Variants in LRRN2 observed in about 807,000 individuals in gnomAD.
LRRN2 encodes the protein leucine rich repeat neuronal 2.
Under a neutral mutation model 35.7 loss-of-function variants are expected in LRRN2, and 10 were observed. That is an observed-to-expected ratio of 0.28 (90% CI 0.17 to 0.47). LRRN2 has a LOEUF of 0.47. LRRN2 is among the 20% of genes least tolerant of loss of function. The probability of loss-of-function intolerance (pLI) is 0.99; values close to 1 mark genes in which losing one functional copy is unlikely to be tolerated. For missense variants in LRRN2, 731 were observed against 940.3 expected (o/e 0.78, Z 2.91); for synonymous variants, 391 against 409.6 (o/e 0.95, Z 0.55).
chr1:204,672,723 CT>C (rs1294484979), intron 1 of LRRN2, among the ~76,000 whole-genome samples: 1 of 152,106 alleles, frequency 6.6e-6, no homozygotes, highest in African/African-American at 2.4e-5. Flanking sequence ...GTTGAGGGAG[CT>C]GTGATCTGCT....
chr1:204,657,186 T>C (rs1668376191), intron 1 of LRRN2, among the ~76,000 whole-genome samples: 1 of 152,046 alleles, frequency 6.6e-6, no homozygotes, highest in East Asian at 1.9e-4. Context: ...AGACCTGTAA[T>C]CCCAGCTACT....
At chr1:204,669,789 G>A (rs1191955493) in intron 1 of LRRN2, among the ~76,000 whole-genome samples, 5 of 152,174 alleles carry the variant, frequency 3.3e-5, no homozygotes, top group African/African-American at 1.2e-4. Flanking sequence ...TGAGGGAGGG[G>A]AGTGGGGATG....
In LRRN2 at chr1:204,617,957, A is replaced by G; in HGVS notation, c.2036T>C (p.Val679Ala). The G allele has an allele frequency of 6.2e-7, 1 of 1,613,832 alleles. No individual in the cohort carries two copies. Among genetic ancestry groups the G allele is most frequent in the Non-Finnish European group, 8.5e-7 (1 of 1,180,000 alleles). The change falls in exon 2 of 2, where the codon GTC becomes GCC. Residue 679 changes from valine to alanine, a missense_variant. Coordinates refer to ENST00000367177, the MANE Select transcript of LRRN2 (RefSeq NM_201630.2). ...GACGAGGGGAGCAGACACAACCCGG[A>G]CAGAAGGGGCACTCCAGCCCCAGAA... is the stretch of plus-strand genomic sequence containing the variant. ...WAFWGWSAPS[V>A]RVVSAPLVLP... is the part of the protein sequence containing the mutation.
chr1:204,661,736 A>C (rs1011512661), intron 1 of LRRN2, among the ~76,000 whole-genome samples: 1 of 152,010 alleles, frequency 6.6e-6, no homozygotes, highest in East Asian at 1.9e-4. Context: ...CTTGGCAGGG[A>C]GGGTTAGAGG....
At chr1:204,625,601 C>T (rs1237991355) in intron 1 of LRRN2, among the ~76,000 whole-genome samples, 2 of 152,094 alleles carry the variant, frequency 1.3e-5, no homozygotes, top group Non-Finnish European at 2.9e-5. Context: ...CGTATGTGCC[C>T]CTTCCCAGTC....
At chr1:204,665,495 C>G (rs1408269460) in intron 1 of LRRN2, among the ~76,000 whole-genome samples, 3 of 152,164 alleles carry the variant, frequency 2.0e-5, no homozygotes, top group Non-Finnish European at 2.9e-5. Flanking sequence ...GAGGTCAAGA[C>G]CCACAGTTTT....
At position 204,619,775 on chromosome 1, in the gene LRRN2, G is replaced by A. The variant is rs770283181; in HGVS notation, c.218C>T (p.Thr73Ile). 15 of 1,614,126 alleles carry A rather than the reference G, an allele frequency of 9.3e-6. No homozygotes were observed. The highest frequency in any genetic ancestry group is 6.7e-5 in the Admixed American group (4 of 60,014). The change falls in exon 2 of 2, where the codon ACC becomes ATC. Residue 73 changes from threonine to isoleucine, a missense_variant. Thr to Ile is a moderately conservative substitution (Grantham distance 89). Coordinates refer to ENST00000367177, the MANE Select transcript of LRRN2 (RefSeq NM_201630.2). The stretch of plus-strand genomic sequence containing the variant: ...AATGCTGTTGCTCTGCAGGAGCAGG[G>A]TCTGTGTGCCTGCGGGGAGTGCCGG... ...VPPALPAGTQ[T>I]LLLQSNSIVR...
chr1:204,685,627 C>T lies in LRRN2; in HGVS notation c.-534G>A, dbSNP rs1209756589. ...GCGCTCCTTGAGAGCGCCGCGCGTT[C>T]GCAGGTGCCCGGAGCAGGCCCTCGC... is the stretch of plus-strand genomic sequence containing the variant. On this transcript the variant is annotated 5_prime_UTR_variant, in exon 1 of 2. Coordinates refer to ENST00000367177, the MANE Select transcript of LRRN2 (RefSeq NM_201630.2). 1 of 152,028 alleles carries T rather than the reference C, an allele frequency of 6.6e-6. No homozygotes were observed. The highest frequency in any genetic ancestry group is 1.5e-5 in the Non-Finnish European group (1 of 67,996). The allele number at this position is 152,028 out of a possible 1,614,324, so 9.4% of individuals were successfully genotyped here. A position where few individuals can be genotyped will look rare whatever the true frequency, so the allele number is the denominator to read the frequency against.
Position 204,685,335 on chromosome 1 carries a change from C to T in LRRN2, c.-242G>A, listed in dbSNP as rs1272370433. ...GCACACTCACCCCGTGGGCGCCGGG[C>T]ACCGTCTGCCGTCTGCTGCCCGCGC... On this transcript the variant is annotated 5_prime_UTR_variant, in exon 1 of 2. Coordinates refer to ENST00000367177, the MANE Select transcript of LRRN2 (RefSeq NM_201630.2). 1 of 151,812 alleles carries T rather than the reference C, an allele frequency of 6.6e-6. No homozygotes were observed. Among genetic ancestry groups the T allele is most frequent in the Non-Finnish European group, 1.5e-5 (1 of 67,946 alleles). 9.4% of individuals were successfully genotyped at this position (151,812 alleles called of 1,614,324 possible).
chr1:204,638,280 T>C (rs58651344), intron 1 of LRRN2, among the ~76,000 whole-genome samples: 54,233 of 151,904 alleles, frequency 0.36, 9,829 homozygotes, highest in Non-Finnish European at 0.37. Context: ...CTCGGCTCTG[T>C]GATTTTGTGC....
chr1:204,674,650 GGCAGGT>G (rs1668784728), intron 1 of LRRN2, among the ~76,000 whole-genome samples: 1 of 152,202 alleles, frequency 6.6e-6, no homozygotes, highest in South Asian at 2.1e-4. Flanking sequence ...GCTTCACGAG[GGCAGGT>G]GCAGCCTGGG....
At chr1:204,656,029 C>A (rs948300038) in intron 1 of LRRN2, among the ~76,000 whole-genome samples, 5 of 152,224 alleles carry the variant, frequency 3.3e-5, no homozygotes, top group Non-Finnish European at 1.5e-5. Flanking sequence ...CCTGCCTCAG[C>A]CTCCCCAGTA....
chr1:204,638,243 C>T (rs897310271), intron 1 of LRRN2, among the ~76,000 whole-genome samples: 14 of 151,982 alleles, frequency 9.2e-5, no homozygotes, highest in African/African-American at 3.4e-4. Flanking sequence ...GCCAGGCCTC[C>T]GACCTGCTTT....
intron 1 of LRRN2, among the ~76,000 whole-genome samples, chr1:204,678,104 C>A (rs1668866187): frequency 6.6e-6 from 1 of 152,208 alleles, no homozygotes; most frequent in African/African-American, 2.4e-5. Context: ...CCCTATATAA[C>A]TCCCACACAG....
At chr1:204,682,239 A>G (rs1243345677) in intron 1 of LRRN2, among the ~76,000 whole-genome samples, 2 of 152,230 alleles carry the variant, frequency 1.3e-5, no homozygotes, top group Non-Finnish European at 2.9e-5. Context: ...ATACCTGTGT[A>G]GGATGACACA....
rs1201206554 is a variant in LRRN2 at position 204,638,412 on chromosome 1, T to C, written c.-226-18194A>G. ...TTGCCCAAGGTCTTCCTTTTTTTTTTTTTTTTTTTTTTTTTTTGAGACGGA... is the reference window on the plus strand; with the variant it reads ...TTGCCCAAGGTCTTCCTTTTTTTTTCTTTTTTTTTTTTTTTTTGAGACGGA... On this transcript the variant is annotated intron_variant, in intron 1 of 1. Transcript: ENST00000367177. 2.0e-4 allele frequency among the ~76,000 whole-genome samples: 26 copies of C among 128,492 alleles called. 1 individual carries two copies. The highest frequency in any genetic ancestry group is 3.5e-4 in the Non-Finnish European group (21 of 60,502). The allele number at this position is 128,492 out of a possible 152,430, so 84.3% of individuals were successfully genotyped here.
chr1:204,632,845 A>G (rs1340507127), intron 1 of LRRN2, among the ~76,000 whole-genome samples: 1 of 151,474 alleles, frequency 6.6e-6, no homozygotes, highest in Non-Finnish European at 1.5e-5. Flanking sequence ...GAGGCAGGAG[A>G]ATGGTGTGAA....
intron 1 of LRRN2, among the ~76,000 whole-genome samples, chr1:204,683,415 T>G: frequency 6.9e-6 from 1 of 144,330 alleles, no homozygotes. Context: ...AAAAGGGAAG[T>G]GAAGAGTGTT....
intron 1 of LRRN2, among the ~76,000 whole-genome samples, chr1:204,668,281 G>A (rs113127206): frequency 0.018 from 2,771 of 152,256 alleles, 86 homozygotes; most frequent in African/African-American, 0.059. Context: ...TCTATAAAGC[G>A]TGGATATGCA....
Sources: gnomAD v4.1 joint callset for allele counts (sites outside exome capture counted in the v4.1 genomes callset) on GRCh38, gnomAD v4.1.1 for gene constraint, MANE v1.5 for transcripts, NCBI Gene and HGNC (gene_info 2026-07-23, HGNC 2026-07-21) for gene names.